The following MARCHF5 variants were observed in gnomAD, a reference collection of about 807,000 sequenced individuals.
The protein encoded by MARCHF5 is E3 ubiquitin-protein ligase MARCHF5.
A neutral mutation model predicts 36.5 loss-of-function variants in MARCHF5; 5 were observed. The ratio of observed to expected loss-of-function variants is 0.14; its 90% CI spans 0.07 to 0.29. MARCHF5 has a LOEUF of 0.29. Ranked by LOEUF, MARCHF5 falls within the 10% of genes least tolerant of loss-of-function variation. MARCHF5 has a pLI of 1.00. For missense variants in MARCHF5, 179 were observed against 336.3 expected, an observed-to-expected ratio of 0.53 and a Z score of 3.66; for synonymous variants, 103 against 109.9, an observed-to-expected ratio of 0.94 and a Z score of 0.39.
chr10:92,338,229 G>A (rs780628988), intron 2 of MARCHF5, among the ~76,000 whole-genome samples: 5 of 152,054 alleles, frequency 3.3e-5, no homozygotes, highest in Non-Finnish European at 7.4e-5. Context: ...AGGTTGAAGT[G>A]CTGAGGTTTT....
At position 92,346,869 on chromosome 10, in the gene MARCHF5, C is replaced by G. The variant is rs981285164; in HGVS notation, c.370-2480C>G. 2.6e-5 allele frequency among the ~76,000 whole-genome samples: 4 copies of G among 152,080 alleles called. 1 individual carries two copies. Among genetic ancestry groups the G allele is most frequent in the African/African-American group, 9.7e-5 (4 of 41,412 alleles). ...AGAAACAAACTTCCTCTTGTTCGCT[C>G]TAGTCTATACCTGAATATTCACTCT... On this transcript the variant is annotated intron_variant, in intron 3 of 5. Coordinates refer to ENST00000358935, the MANE Select transcript of MARCHF5 (RefSeq NM_017824.5).
chr10:92,298,795 T>G (rs1842977358), intron 1 of MARCHF5, among the ~76,000 whole-genome samples: 1 of 152,128 alleles, frequency 6.6e-6, no homozygotes, highest in African/African-American at 2.4e-5. Context: ...ACTCCTGAGC[T>G]TAAGTGACCC....
At chr10:92,297,438 C>T (rs1365030351) in intron 1 of MARCHF5, among the ~76,000 whole-genome samples, 1 of 150,420 alleles carries the variant, frequency 6.6e-6, no homozygotes, top group African/African-American at 2.4e-5. Context: ...CCAAAGCTCC[C>T]AAAGTGGGGG....
At chr10:92,317,504 T>C (rs1843226588) in intron 2 of MARCHF5, among the ~76,000 whole-genome samples, 1 of 152,202 alleles carries the variant, frequency 6.6e-6, no homozygotes, top group Non-Finnish European at 1.5e-5. Flanking sequence ...TGATACATTG[T>C]GTAAATGGAA....
At chr10:92,328,880 C>T (rs959086121) in intron 2 of MARCHF5, among the ~76,000 whole-genome samples, 6 of 148,012 alleles carry the variant, frequency 4.1e-5, no homozygotes, top group African/African-American at 9.9e-5. Context: ...TATTGCATCA[C>T]ATCACAAGGC....
At chr10:92,307,427 A>G (rs1843088771) in intron 1 of MARCHF5, among the ~76,000 whole-genome samples, 1 of 152,228 alleles carries the variant, frequency 6.6e-6, no homozygotes, top group Non-Finnish European at 1.5e-5. Context: ...ATCAGTTAAT[A>G]AATTCTTTAG....
At chr10:92,347,805 T>TA (rs1267041636) in intron 3 of MARCHF5, among the ~76,000 whole-genome samples, 4 of 152,224 alleles carry the variant, frequency 2.6e-5, no homozygotes, top group Non-Finnish European at 5.9e-5. Context: ...CCTTTAATAT[T>TA]ACATCTTAAT....
At chr10:92,335,555 C>T (rs1843492140) in intron 2 of MARCHF5, among the ~76,000 whole-genome samples, 1 of 152,112 alleles carries the variant, frequency 6.6e-6, no homozygotes, top group Non-Finnish European at 1.5e-5. Context: ...AGAGAAAAGC[C>T]AAGACAGAAT....
At chr10:92,299,189 C>G (rs1038771220) in intron 1 of MARCHF5, among the ~76,000 whole-genome samples, 1 of 152,048 alleles carries the variant, frequency 6.6e-6, no homozygotes, top group African/African-American at 2.4e-5. Flanking sequence ...GTTGATTTTC[C>G]TTTTTCTAGC....
intron 3 of MARCHF5, among the ~76,000 whole-genome samples, chr10:92,347,508 AG>A (rs1166412624): frequency 1.6e-5 from 1 of 63,356 alleles, no homozygotes; most frequent in Non-Finnish European, 3.5e-5. Context: ...ATAGATAGAT[AG>A]ATAGATAGAT....
intron 2 of MARCHF5, among the ~76,000 whole-genome samples, chr10:92,322,623 T>C (rs1006965689): frequency 1.3e-5 from 2 of 150,890 alleles, no homozygotes; most frequent in African/African-American, 4.9e-5. Context: ...TATTTTTTTT[T>C]TTTTTTATAG....
intron 2 of MARCHF5, among the ~76,000 whole-genome samples, chr10:92,340,172 G>C (rs937120953): frequency 6.6e-6 from 1 of 152,090 alleles, no homozygotes; most frequent in African/African-American, 2.4e-5. Flanking sequence ...TCACTCTACC[G>C]TGGCCAGTAT....
intron 2 of MARCHF5, among the ~76,000 whole-genome samples, chr10:92,318,297 A>G (rs1253137449): frequency 6.6e-6 from 1 of 151,846 alleles, no homozygotes; most frequent in Non-Finnish European, 1.5e-5. Context: ...GTCTAAGAGC[A>G]CACCTATAGT....
intron 1 of MARCHF5, among the ~76,000 whole-genome samples, chr10:92,302,755 CTT>C (rs1389913426): frequency 1.3e-5 from 2 of 152,128 alleles, no homozygotes; most frequent in East Asian, 3.9e-4. Context: ...AACATGTAGT[CTT>C]TTTCTTTGTC....
intron 3 of MARCHF5, 78 bp downstream of exon 3, chr10:92,340,881 T>C: frequency 8.4e-7 from 1 of 1,185,834 alleles, no homozygotes; most frequent in South Asian, 1.9e-5. Context: ...CATTTAAAAG[T>C]GTATTATTTT....
At chr10:92,313,816 C>T (rs1362765278) in intron 2 of MARCHF5, among the ~76,000 whole-genome samples, 2 of 152,136 alleles carry the variant, frequency 1.3e-5, no homozygotes, top group African/African-American at 4.8e-5. Context: ...TTGCCTTAGC[C>T]TGTGAGGTGG....
chr10:92,311,369 A>G (rs1196754623), intron 2 of MARCHF5, 32 bp downstream of exon 2: 2 of 1,402,856 alleles, frequency 1.4e-6, no homozygotes. Flanking sequence ...ACACAGATAT[A>G]GTTGATGTTA....
intron 3 of MARCHF5, among the ~76,000 whole-genome samples, 161 bp from the exon 4 acceptor site, chr10:92,349,188 A>T (rs754408440): frequency 6.6e-6 from 1 of 152,184 alleles, no homozygotes; most frequent in Non-Finnish European, 1.5e-5. Context: ...GACATTTCTT[A>T]TAAATAAATC....
intron 2 of MARCHF5, among the ~76,000 whole-genome samples, chr10:92,319,210 A>G (rs543668302): frequency 6.6e-6 from 1 of 152,356 alleles, no homozygotes; most frequent in Admixed American, 6.5e-5. Context: ...ACTAGCAGTC[A>G]TATAAAAATA....
Sources: allele counts gnomAD v4.1 joint callset (sites outside exome capture counted in the v4.1 genomes callset), GRCh38; gene constraint gnomAD v4.1.1; transcripts MANE v1.5; gene names NCBI Gene and HGNC (gene_info 2026-07-23, HGNC 2026-07-21).